The following LCN10 variants were observed in gnomAD, a reference collection of about 807,000 sequenced individuals.
LCN10 encodes epididymal-specific lipocalin-10.
LCN10 carries 18 observed loss-of-function variants against 25.1 expected under a neutral mutation model. The observed-to-expected ratio is 0.72, with a 90% CI of 0.50 to 1.06. The LOEUF is 1.06. Ranked by LOEUF, LCN10 falls within the 50% of genes least tolerant of loss-of-function variation. The pLI, the probability that LCN10 is intolerant of heterozygous loss-of-function variation, is 0.00. For synonymous variants in LCN10, 130 were observed against 116.7 expected (o/e 1.11, Z -0.73); for missense variants, 257 against 258.9 (o/e 0.99, Z 0.05).
rs571331894 is a variant in LCN10 at position 136,742,006 on chromosome 9, C to T, written c.132G>A (p.Trp44Ter). 1 of 1,612,866 alleles carries T rather than the reference C, an allele frequency of 6.2e-7. No homozygotes were observed. The highest frequency in any genetic ancestry group is 2.2e-5 in the East Asian group (1 of 44,860). The part of the protein sequence containing the change: ...ALNWNKFSGF[W>*]YILATATDAQ... The stretch of plus-strand genomic sequence containing the variant: ...CATCAGTGGCAGTGGCCAGAATGTA[C>T]CAGAACCCTGAAAACTGCGCAGCGG... The change falls in exon 2 of 6, where the codon TGG (tryptophan) becomes TGA (stop). Residue 44 changes from tryptophan (W) to a stop codon, truncating the protein, a stop_gained. Coordinates refer to ENST00000497771, the MANE Select transcript of LCN10 (RefSeq NM_001001712.3). LOFTEE classifies it high-confidence loss of function.
rs754539105 is a variant in LCN10, at chr9:136,742,742, T to TC, written c.117+44dup. On this transcript the variant is annotated intron_variant, in intron 1 of 5. Transcript: ENST00000497771. ...AGACTGTGCAGGAGCCTGCTCCAGC[T>TC]CCAGAGCCGGCGCCCGGCTCAGGGA... 4.4e-6 allele frequency: 7 copies of TC among 1,607,398 alleles called. No individual in the cohort carries two copies. In the East Asian group the frequency reaches 1.6e-4, roughly 36 times the overall value.
At chr9:136,741,079 C>T (rs879188480) in intron 3 of LCN10, 136 bp from the exon 4 acceptor site, 31 of 987,850 alleles carry the variant, frequency 3.1e-5, no homozygotes, top group African/African-American at 1.1e-4. Context: ...AGTGCCCTCC[C>T]GGGGCCTCCC....
Position 136,740,781 on chromosome 9 carries a change from A to G in LCN10, c.475+55T>C. ...GGCCCCCTGTGCCCAGCGCCCCTCT[A>G]TGCCTCCCTCTGCACCCCCTCCACC... is the stretch of plus-strand genomic sequence containing the variant. On this transcript the variant is annotated intron_variant, in intron 4 of 5. Coordinates refer to ENST00000497771, the MANE Select transcript of LCN10 (RefSeq NM_001001712.3). The surrounding 1 kb of genome is among the most constrained non-coding windows in gnomAD (Gnocchi z 5.3). 7 of 1,415,940 alleles carry G rather than the reference A, an allele frequency of 4.9e-6. No individual in the cohort carries two copies. In the Admixed American group the frequency reaches 1.1e-4, roughly 23 times the overall value. The allele number at this position is 1,415,940 out of a possible 1,614,324, so 87.7% of individuals were successfully genotyped here.
rs7848807 is a variant in LCN10 at position 136,740,978 on chromosome 9, C to T, written c.368-35G>A. ...ATGCCCAGAGATGCCCGCTGGTTCC[C>T]GGATGGCGTGGCTGTGCCCGCCCAC... is the stretch of plus-strand genomic sequence containing the variant. On this transcript the variant is annotated intron_variant, in intron 3 of 5. Transcript: ENST00000497771. This position sits in a 1 kb window ranked among gnomAD's most constrained non-coding sequence, Gnocchi z 5.3. 252,629 of 1,568,248 alleles carry T rather than the reference C, an allele frequency of 0.16. 21,069 individuals are homozygous for T. The highest frequency in any genetic ancestry group is 0.26 in the East Asian group (11,660 of 44,378).
chr9:136,739,584 C>G lies in LCN10; in HGVS notation c.575-31G>C. 1.3e-6 allele frequency: 2 copies of G among 1,587,892 alleles called. No homozygotes were observed. The highest frequency in any genetic ancestry group is 2.3e-5 in the South Asian group (2 of 86,818). ...GGAGAGGAAAACAGCCACATGTGGG[C>G]TGGCTGCTTGGAGGAGACACATGAG... On this transcript the variant is annotated intron_variant, in intron 5 of 5. Coordinates refer to ENST00000497771, the MANE Select transcript of LCN10 (RefSeq NM_001001712.3). The surrounding 1 kb of genome is among the most constrained non-coding windows in gnomAD (Gnocchi z 6.1).
In LCN10 at chr9:136,739,187, G is replaced by T. The variant is rs1846881235; in HGVS notation, c.*338C>A. Reference sequence around the variant, plus strand: ...GGAACGCGGAGGGTGGCGGCGGCGTGGAGGGCAGAGGCAAGGCACACGGCG... The same window carrying T: ...GGAACGCGGAGGGTGGCGGCGGCGTTGAGGGCAGAGGCAAGGCACACGGCG... On this transcript the variant is annotated 3_prime_UTR_variant, in exon 6 of 6. Coordinates refer to ENST00000497771, the MANE Select transcript of LCN10 (RefSeq NM_001001712.3). This position sits in a 1 kb window ranked among gnomAD's most constrained non-coding sequence, Gnocchi z 6.1. 6.8e-6 allele frequency: 2 copies of T among 292,582 alleles called. No homozygotes were observed. The highest frequency in any genetic ancestry group is 9.2e-5 in the South Asian group (2 of 21,804). 18.1% of individuals were successfully genotyped at this position (292,582 alleles called of 1,614,324 possible).
In LCN10 at chr9:136,741,970, G is replaced by C; in HGVS notation, c.168C>G (p.Phe56Leu). The C allele has an allele frequency of 1.2e-6, 2 of 1,612,770 alleles. No homozygotes were observed. Among genetic ancestry groups the C allele is most frequent in the Non-Finnish European group, 1.7e-6 (2 of 1,179,604 alleles). The stretch of plus-strand genomic sequence containing the variant: ...GCTTCCTCTTGTCCCTGGCCGGCAA[G>C]AATCCCTGGGCATCAGTGGCAGTGG... ...ILATATDAQG[F>L]LPARDKRKLG... Residue 56 changes from phenylalanine to leucine, a missense_variant, in exon 2 of 6, where the codon TTC becomes TTG. By Grantham distance (22) the Phe-to-Leu change is conservative. Coordinates refer to ENST00000497771, the MANE Select transcript of LCN10 (RefSeq NM_001001712.3).
In LCN10 at chr9:136,741,360, A is replaced by C. The variant is rs202133605; in HGVS notation, c.259T>G (p.Leu87Val). Residue 87 changes from leucine to valine, a missense_variant and splice_region_variant, in exon 3 of 6, where the codon TTG becomes GTG. Physicochemically the swap from Leu to Val is conservative, Grantham distance 32 (BLOSUM62 1). Transcript: ENST00000497771. ...ACCTCCTGGGACTGGCACCCCTTCA[A>C]CCTGGGGCCAAGGCGGGGGCTCAGG... ...QLRVLLAFRR[L>V]KGCQSQEVIL... 117 of 1,608,812 alleles carry C rather than the reference A, an allele frequency of 7.3e-5. No individual in the cohort carries two copies. The highest frequency in any genetic ancestry group is 1.8e-4 in the Admixed American group (11 of 59,954).
At chr9:136,742,078 C>G in intron 1 of LCN10, 58 bp from the exon 2 acceptor site, 1 of 1,598,384 alleles carries the variant, frequency 6.3e-7, no homozygotes, top group Non-Finnish European at 8.5e-7. Context: ...GTCCCCACCC[C>G]CGAGGTTCCC....
At position 136,742,461 on chromosome 9, in the gene LCN10, C is replaced by T. The variant is rs567345881; in HGVS notation, c.117+326G>A. On this transcript the variant is annotated intron_variant, in intron 1 of 5. Transcript: ENST00000497771. Reference sequence around the variant, plus strand: ...CACTCAGCAGGTGCCCGGGCCCTCCCGCTACAGAATATGCCCCGCTTGCTC... The same window carrying T: ...CACTCAGCAGGTGCCCGGGCCCTCCTGCTACAGAATATGCCCCGCTTGCTC... 161 of 441,472 alleles carry T rather than the reference C, an allele frequency of 3.6e-4. 2 individuals carry two copies. The East Asian group carries it at 5.7e-3, about 16-fold the overall frequency. 27.3% of individuals were successfully genotyped at this position (441,472 alleles called of 1,614,324 possible).
At position 136,739,808 on chromosome 9, in the gene LCN10, A is replaced by G; in HGVS notation, c.574+142T>C. On this transcript the variant is annotated intron_variant, in intron 5 of 5. Transcript: ENST00000497771. This position sits in a 1 kb window ranked among gnomAD's most constrained non-coding sequence, Gnocchi z 6.1. ...AGCCCCGATTCTCAGGGGCGGCAGG[A>G]GGTGGGAGGCACGTTTGGGCGGATC... 1 of 830,342 alleles carries G rather than the reference A, an allele frequency of 1.2e-6. No individual in the cohort carries two copies. The highest frequency in any genetic ancestry group is 2.0e-6 in the Non-Finnish European group (1 of 499,278). 51.4% of individuals were successfully genotyped at this position (830,342 alleles called of 1,614,324 possible).
At chr9:136,741,406 C>T in intron 2 of LCN10, 45 bp from the exon 3 acceptor site, 2 of 1,429,282 alleles carry the variant, frequency 1.4e-6, no homozygotes, top group Non-Finnish European at 1.9e-6. Context: ...GGGAACCCCT[C>T]CTCCCGCCTG....
At position 136,739,096 on chromosome 9, in the gene LCN10, G is replaced by A. The variant is rs986735084; in HGVS notation, c.*429C>T. The A allele has an allele frequency of 4.1e-5, 9 of 220,702 alleles. No individual in the cohort carries two copies. The highest frequency in any genetic ancestry group is 2.0e-4 in the South Asian group (3 of 15,148). The allele number at this position is 220,702 out of a possible 1,614,324, so 13.7% of individuals were successfully genotyped here. A position where few individuals can be genotyped will look rare whatever the true frequency, so the allele number is the denominator to read the frequency against. On this transcript the variant is annotated 3_prime_UTR_variant, in exon 6 of 6. Coordinates refer to ENST00000497771, the MANE Select transcript of LCN10 (RefSeq NM_001001712.3). The surrounding 1 kb of genome is among the most constrained non-coding windows in gnomAD (Gnocchi z 6.1). ...CAGGGGCCAGCACGCTGCCTGGCAC[G>A]TCATGGGGGCTCCTCCATGTTGGGT...
In LCN10 at chr9:136,738,616, C is replaced by T. The variant is rs140114319; in HGVS notation, c.*909G>A. The T allele has an allele frequency of 2.5e-3, 375 of 152,344 alleles. 1 individual carries two copies. Among genetic ancestry groups the T allele is most frequent in the African/African-American group, 8.7e-3 (362 of 41,554 alleles). 9.4% of individuals were successfully genotyped at this position (152,344 alleles called of 1,614,324 possible). On this transcript the variant is annotated 3_prime_UTR_variant, in exon 6 of 6. Transcript: ENST00000497771. ...CCTTGAGTGAGACCTAAGCCTTCACCGCAGCCTTCGAGGTGCCGTGGTCTG... is the reference window on the plus strand; with the variant it reads ...CCTTGAGTGAGACCTAAGCCTTCACTGCAGCCTTCGAGGTGCCGTGGTCTG...
In LCN10 at chr9:136,741,280, C is replaced by T. The variant is rs773017973; in HGVS notation, c.339G>A (p.Ala113=). 3.3e-5 allele frequency: 53 copies of T among 1,613,444 alleles called. No individual in the cohort carries two copies. The East Asian group carries it at 6.9e-4, about 21-fold the overall frequency. The change falls in exon 3 of 6, where the codon GCG becomes GCA. Residue 113 remains alanine (A), a synonymous_variant. Transcript: ENST00000497771. The stretch of plus-strand genomic sequence containing the variant: ...CCTCCTGTCCTTCCCTCGGGCCCGC[C>T]GCGTATGCACAGGCGTTCCCAAACA... ...KPVFGNACAY[A]AGPREGQEGV...
chr9:136,742,234 G>C (rs1846952721), intron 1 of LCN10: 1 of 590,848 alleles, frequency 1.7e-6, no homozygotes, highest in Non-Finnish European at 2.9e-6. Flanking sequence ...AGGGACCCCA[G>C]GCAGCAAAGG....
At position 136,742,594 on chromosome 9, in the gene LCN10, G is replaced by T. The variant is rs992269539; in HGVS notation, c.117+193C>A. 5.8e-5 allele frequency: 38 copies of T among 653,678 alleles called. No homozygotes were observed. The African/African-American group carries it at 6.6e-4, about 11-fold the overall frequency. 40.5% of individuals were successfully genotyped at this position (653,678 alleles called of 1,614,324 possible). A position where few individuals can be genotyped will look rare whatever the true frequency, so the allele number is the denominator to read the frequency against. ...CCCCTGGGCCCCCGAACCCCCTCGA[G>T]GCTCCCTGCCTTTGCCCTGCAACTT... On this transcript the variant is annotated intron_variant, in intron 1 of 5. Coordinates refer to ENST00000497771, the MANE Select transcript of LCN10 (RefSeq NM_001001712.3).
At position 136,739,474 on chromosome 9, in the gene LCN10, C is replaced by T. The variant is rs532008698; in HGVS notation, c.*51G>A. On this transcript the variant is annotated 3_prime_UTR_variant, in exon 6 of 6. Coordinates refer to ENST00000497771, the MANE Select transcript of LCN10 (RefSeq NM_001001712.3). This position sits in a 1 kb window ranked among gnomAD's most constrained non-coding sequence, Gnocchi z 6.1. Reference sequence around the variant, plus strand: ...ACTTGACATCTGGAACAACGCTCCTCGGGTCTGGGAGGACCACGCGTCGAA... The same window carrying T: ...ACTTGACATCTGGAACAACGCTCCTTGGGTCTGGGAGGACCACGCGTCGAA... The T allele has an allele frequency of 6.3e-5, 99 of 1,564,370 alleles. No homozygotes were observed. In the East Asian group the frequency reaches 2.0e-3, roughly 31 times the overall value.
rs1846891165 is a variant in LCN10, at chr9:136,739,624, C to A, written c.575-71G>T. 1 of 1,428,400 alleles carries A rather than the reference C, an allele frequency of 7.0e-7. No individual in the cohort carries two copies. The allele number at this position is 1,428,400 out of a possible 1,614,324, so 88.5% of individuals were successfully genotyped here. On this transcript the variant is annotated intron_variant, in intron 5 of 5. Coordinates refer to ENST00000497771, the MANE Select transcript of LCN10 (RefSeq NM_001001712.3). This position sits in a 1 kb window ranked among gnomAD's most constrained non-coding sequence, Gnocchi z 6.1. ...AGACACATGAGCCGTGAACACGTCT[C>A]CCCCGGCCGCTCCCTGGTTCCATGC...
Sources: allele counts gnomAD v4.1 joint callset, GRCh38; gene constraint gnomAD v4.1.1; non-coding constraint Gnocchi (gnomAD v3.1); transcripts MANE v1.5; gene names NCBI Gene and HGNC (gene_info 2026-07-23, HGNC 2026-07-21).